Variants in GTF3C1 observed in about 807,000 individuals in gnomAD.
GTF3C1 encodes the protein general transcription factor 3C polypeptide 1.
Under a neutral mutation model 226.7 loss-of-function variants are expected in GTF3C1, and 57 were observed. The ratio of observed to expected loss-of-function variants is 0.25; its 90% CI spans 0.20 to 0.31. The LOEUF is 0.31. Ranked by LOEUF, GTF3C1 falls within the 10% of genes least tolerant of loss-of-function variation. GTF3C1 has a pLI of 1.00. For synonymous variants in GTF3C1, 1,090 were observed against 1,084.8 expected, an observed-to-expected ratio of 1.00 and a Z score of -0.09; for missense variants, 2,217 against 2,776.1, an observed-to-expected ratio of 0.80 and a Z score of 4.53.
intron 29 of GTF3C1, among the ~76,000 whole-genome samples, chr16:27,472,556 C>T (rs1397367462): frequency 6.6e-6 from 1 of 152,222 alleles, no homozygotes; most frequent in Admixed American, 6.5e-5. Flanking sequence ...ACCAGTCCTT[C>T]ACGACAAGGA....
Position 27,463,735 on chromosome 16 carries a change from A to T in GTF3C1, c.5873-143T>A. 1.4e-6 allele frequency: 1 copy of T among 699,502 alleles called. No individual in the cohort carries two copies. Among genetic ancestry groups the T allele is most frequent in the South Asian group, 1.5e-5 (1 of 65,882 alleles). 43.3% of individuals were successfully genotyped at this position (699,502 alleles called of 1,614,324 possible). A position where few individuals can be genotyped will look rare whatever the true frequency, so the allele number is the denominator to read the frequency against. On this transcript the variant is annotated intron_variant, in intron 34 of 36. Transcript: ENST00000356183. The surrounding 1 kb of genome is among the most constrained non-coding windows in gnomAD (Gnocchi z 4.9). ...GTGTCAAAAAAAAAGGACAATGAGCATCTCACAGAGCGGCCACCCTGGAGG... is the reference window on the plus strand; with the variant it reads ...GTGTCAAAAAAAAAGGACAATGAGCTTCTCACAGAGCGGCCACCCTGGAGG...
At chr16:27,530,888 C>T (rs1484522192) in intron 5 of GTF3C1, among the ~76,000 whole-genome samples, 1 of 152,228 alleles carries the variant, frequency 6.6e-6, no homozygotes, top group Non-Finnish European at 1.5e-5. Flanking sequence ...TCACTGGCTT[C>T]ATCTCGAGAT....
chr16:27,516,211 C>T (rs922138457), intron 6 of GTF3C1, among the ~76,000 whole-genome samples: 2 of 152,356 alleles, frequency 1.3e-5, no homozygotes, highest in African/African-American at 2.4e-5. Context: ...CGTGCGAAGG[C>T]GCCCCCCTGC....
In GTF3C1 at chr16:27,470,065, T is replaced by C; in HGVS notation, c.4814+43A>G. 1.3e-6 allele frequency: 2 copies of C among 1,546,462 alleles called. No homozygotes were observed. Among genetic ancestry groups the C allele is most frequent in the East Asian group, 2.3e-5 (1 of 44,428 alleles). ...TGCCCGTCTGTATCTGGCCAATGCCTAGCACGTGGCCAGACCTGATGCTGC... is the reference window on the plus strand; with the variant it reads ...TGCCCGTCTGTATCTGGCCAATGCCCAGCACGTGGCCAGACCTGATGCTGC... On this transcript the variant is annotated intron_variant, in intron 31 of 36. Transcript: ENST00000356183. This position sits in a 1 kb window ranked among gnomAD's most constrained non-coding sequence, Gnocchi z 4.9.
intron 14 of GTF3C1, 82 bp from the exon 15 acceptor site, chr16:27,495,574 C>T (rs1567397541): frequency 2.3e-6 from 3 of 1,288,336 alleles, no homozygotes; most frequent in East Asian, 2.5e-5. Flanking sequence ...TGATTGAGTG[C>T]CACTATGTGC....
At chr16:27,506,441 G>A (rs114226141) in intron 9 of GTF3C1, among the ~76,000 whole-genome samples, 55 of 152,180 alleles carry the variant, frequency 3.6e-4, no homozygotes, top group African/African-American at 1.2e-3. Flanking sequence ...GACATTTAAC[G>A]ATGTCCCCAG....
rs945691852 is a variant in GTF3C1 at position 27,498,446 on chromosome 16, T to C, written c.2165+184A>G. ...AGAATAAAGACCATTAGGACTTTTTTTTTCCCCCTAAAGAATCCTGAAATT... is the reference window on the plus strand; with the variant it reads ...AGAATAAAGACCATTAGGACTTTTTCTTTCCCCCTAAAGAATCCTGAAATT... On this transcript the variant is annotated intron_variant, in intron 13 of 36. Transcript: ENST00000356183. Among the ~76,000 whole-genome samples the C allele has an allele frequency of 2.2e-4, 34 of 152,156 alleles. 1 individual carries two copies. The highest frequency in any genetic ancestry group is 4.4e-5 in the Non-Finnish European group (3 of 68,020).
rs1322204623 is a variant in GTF3C1, at chr16:27,538,180, T to C, written c.608A>G (p.Lys203Arg). The C allele has an allele frequency of 3.9e-6, 6 of 1,547,982 alleles. No homozygotes were observed. The South Asian group carries it at 7.3e-5, about 19-fold the overall frequency. Reference protein sequence around the residue: ...LQRDLHTTAFKVDAGKLHYHR... With the variant: ...LQRDLHTTAFRVDAGKLHYHR... ...CAGAGAAGCAAATCCCCCCACTTAC[T>C]TGAAAGCAGTGGTGTGAAGGTCTCG... The change falls in exon 3 of 37, where the codon AAG (lysine) becomes AGG (arginine). Residue 203 changes from lysine to arginine, a missense_variant and splice_region_variant. Physicochemically the swap from Lys to Arg is conservative, Grantham distance 26. Transcript: ENST00000356183.
At chr16:27,542,760 G>A (rs1187022157) in intron 2 of GTF3C1, among the ~76,000 whole-genome samples, 3 of 152,160 alleles carry the variant, frequency 2.0e-5, no homozygotes, top group Non-Finnish European at 2.9e-5. Context: ...GATGTCCTCC[G>A]GGTTTTGCCC....
intron 5 of GTF3C1, among the ~76,000 whole-genome samples, chr16:27,531,152 C>T (rs1361076323): frequency 6.6e-6 from 1 of 152,010 alleles, no homozygotes; most frequent in East Asian, 1.9e-4. Context: ...ATAACTTCTT[C>T]ATTTCTACAC....
At chr16:27,508,842 T>C (rs889288555) in intron 7 of GTF3C1, among the ~76,000 whole-genome samples, 187 bp from the exon 8 acceptor site, 3 of 152,194 alleles carry the variant, frequency 2.0e-5, no homozygotes, top group Admixed American at 2.0e-4. Flanking sequence ...AGTAATATAC[T>C]ATACTAGGCT....
intron 16 of GTF3C1, 64 bp downstream of exon 16, chr16:27,494,699 G>A: frequency 8.0e-7 from 1 of 1,249,008 alleles, no homozygotes. Flanking sequence ...GCCCAGGTGA[G>A]TGTAGGCCCT....
intron 25 of GTF3C1, chr16:27,483,330 T>G (rs1233068701): frequency 1.5e-6 from 1 of 669,736 alleles, no homozygotes; most frequent in Non-Finnish European, 2.7e-6. Context: ...TGTTCACACT[T>G]TACACCTTGG....
At position 27,505,773 on chromosome 16, in the gene GTF3C1, C is replaced by T. The variant is rs973471067; in HGVS notation, c.1770+126G>A. On this transcript the variant is annotated intron_variant, in intron 10 of 36. Transcript: ENST00000356183. ...AGAGCTACTGCCTGGGAAGCACAGGCAGGCCTCGGCACGCAGCACTCTCGC... is the reference window on the plus strand; with the variant it reads ...AGAGCTACTGCCTGGGAAGCACAGGTAGGCCTCGGCACGCAGCACTCTCGC... 4.8e-5 allele frequency: 31 copies of T among 652,502 alleles called. No individual in the cohort carries two copies. The African/African-American group carries it at 5.4e-4, about 11-fold the overall frequency. The allele number at this position is 652,502 out of a possible 1,614,324, so 40.4% of individuals were successfully genotyped here.
intron 10 of GTF3C1, among the ~76,000 whole-genome samples, chr16:27,504,610 T>G (rs1032779869): frequency 4.6e-5 from 7 of 152,124 alleles, no homozygotes; most frequent in African/African-American, 1.7e-4. Context: ...ACATTGACCT[T>G]ACAGGGCTGA....
At position 27,538,305 on chromosome 16, in the gene GTF3C1, G is replaced by C. The variant is rs769926520; in HGVS notation, c.483C>G (p.Ala161=). 3.1e-5 allele frequency: 49 copies of C among 1,605,480 alleles called. No individual in the cohort carries two copies. Among genetic ancestry groups the C allele is most frequent in the Non-Finnish European group, 4.1e-5 (48 of 1,174,852 alleles). Residue 161 remains alanine (A), a synonymous_variant, in exon 3 of 37, where the codon GCC becomes GCG. Transcript: ENST00000356183. ...IVASQAMRYR[A]LIGQEGDPDL... is the part of the protein sequence containing the mutation. ...CGGGATCCCCCTCCTGGCCTATCAAGGCCCTGTACCGCATGGCCTGGGAGG... is the reference window on the plus strand; with the variant it reads ...CGGGATCCCCCTCCTGGCCTATCAACGCCCTGTACCGCATGGCCTGGGAGG...
Position 27,461,322 on chromosome 16 carries a change from TG to T in GTF3C1, c.*27del. The T allele has an allele frequency of 6.8e-7, 1 of 1,464,614 alleles. No homozygotes were observed. Among genetic ancestry groups the T allele is most frequent in the Non-Finnish European group, 9.5e-7 (1 of 1,054,334 alleles). 90.7% of individuals were successfully genotyped at this position (1,464,614 alleles called of 1,614,324 possible). A position where few individuals can be genotyped will look rare whatever the true frequency, so the allele number is the denominator to read the frequency against. ...CAGGAGTGGTGTGGCAGGCGGTGGC[TG>T]GGAGGGAGGGGACGCCCACAGGGGT... is the stretch of plus-strand genomic sequence containing the variant. On this transcript the variant is annotated 3_prime_UTR_variant, in exon 37 of 37. Coordinates refer to ENST00000356183, the MANE Select transcript of GTF3C1 (RefSeq NM_001520.4). The surrounding 1 kb of genome is among the most constrained non-coding windows in gnomAD (Gnocchi z 5.3).
intron 28 of GTF3C1, among the ~76,000 whole-genome samples, chr16:27,477,414 C>T (rs2087967061): frequency 6.6e-6 from 1 of 152,002 alleles, no homozygotes; most frequent in South Asian, 2.1e-4. Flanking sequence ...TCAAGCGATT[C>T]TCCTGCCTCA....
intron 23 of GTF3C1, among the ~76,000 whole-genome samples, chr16:27,487,440 G>T (rs566680138): frequency 6.6e-6 from 1 of 152,126 alleles, no homozygotes. Flanking sequence ...AATACTGGCC[G>T]GATGAAGAAC....
Sources: allele counts gnomAD v4.1 joint callset (sites outside exome capture counted in the v4.1 genomes callset), GRCh38; gene constraint gnomAD v4.1.1; non-coding constraint Gnocchi (gnomAD v3.1); transcripts MANE v1.5; gene names NCBI Gene and HGNC (gene_info 2026-07-23, HGNC 2026-07-21).